JARID2: variants seen among roughly 807,000 people sequenced by gnomAD.
JARID2 encodes the protein jumonji and AT-rich interaction domain containing 2.
A neutral mutation model predicts 125.6 loss-of-function variants in JARID2; 21 were observed. The ratio of observed to expected loss-of-function variants is 0.17; its 90% confidence interval spans 0.12 to 0.24. The LOEUF is 0.24. Ranked by LOEUF, JARID2 falls within the 10% of genes least tolerant of loss-of-function variation. The pLI, the probability that JARID2 is intolerant of heterozygous loss-of-function variation, is 1.00. For missense variants in JARID2, 1,303 were observed against 1,639.6 expected (o/e 0.79, Z 3.55); for synonymous variants, 736 against 661.6 (o/e 1.11, Z -1.73).
chr6:15,438,227 T>C (rs1767295839), intron 3 of JARID2, among the ~76,000 whole-genome samples: 1 of 152,150 alleles, frequency 6.6e-6, no homozygotes, highest in Admixed American at 6.5e-5. Context: ...GGCAGTGGAT[T>C]GACACAGTTA....
At chr6:15,287,586 G>C (rs1761052256) in intron 1 of JARID2, among the ~76,000 whole-genome samples, 1 of 152,196 alleles carries the variant, frequency 6.6e-6, no homozygotes, top group Non-Finnish European at 1.5e-5. Context: ...ATTTCAGCAA[G>C]AGATTGGTGA....
At position 15,496,890 on chromosome 6, in the gene JARID2, C is replaced by CG. The variant is rs1561905392; in HGVS notation, c.1666dup (p.Glu556GlyfsTer49). 6.2e-7 allele frequency: 1 copy of CG among 1,600,816 alleles called. No individual in the cohort carries two copies. The highest frequency in any genetic ancestry group is 1.3e-5 in the African/African-American group (1 of 74,774). ...GCAAGGCCGGGTGGGCGGCCATGGACGAGATCCCCGTCCTCAGGCCCTCCG... is the reference window on the plus strand; with the variant it reads ...GCAAGGCCGGGTGGGCGGCCATGGACGGAGATCCCCGTCCTCAGGCCCTCCG... On this transcript the variant is annotated frameshift_variant, in exon 7 of 18. Transcript: ENST00000341776. LOFTEE classifies it high-confidence loss of function.
intron 2 of JARID2, among the ~76,000 whole-genome samples, chr6:15,404,599 G>A (rs900166432): frequency 1.3e-5 from 2 of 150,942 alleles, no homozygotes; most frequent in Non-Finnish European, 1.5e-5. Flanking sequence ...AATGAAAGCT[G>A]TCTTTGGATG....
chr6:15,365,260 G>C (rs992309006), intron 1 of JARID2, among the ~76,000 whole-genome samples: 4 of 152,202 alleles, frequency 2.6e-5, no homozygotes, highest in Non-Finnish European at 4.4e-5. Flanking sequence ...TGACAATCCA[G>C]GTGTCTGTTA....
chr6:15,351,863 T>G (rs1763439269), intron 1 of JARID2, among the ~76,000 whole-genome samples: 1 of 152,148 alleles, frequency 6.6e-6, no homozygotes, highest in South Asian at 2.1e-4. Context: ...CCAAGTGCTC[T>G]CCACTCCCCG....
chr6:15,351,194 T>C (rs944938836), intron 1 of JARID2, among the ~76,000 whole-genome samples: 1 of 152,094 alleles, frequency 6.6e-6, no homozygotes, highest in Non-Finnish European at 1.5e-5. Context: ...AGCCTATAGA[T>C]TAGTAGGTGA....
At chr6:15,343,332 GT>G (rs1763136549) in intron 1 of JARID2, among the ~76,000 whole-genome samples, 1 of 149,006 alleles carries the variant, frequency 6.7e-6, no homozygotes, top group Non-Finnish European at 1.5e-5. Flanking sequence ...TCAAATTTTG[GT>G]TTTGTGATTT....
chr6:15,301,255 T>G (rs373487991), intron 1 of JARID2, among the ~76,000 whole-genome samples: 2 of 152,158 alleles, frequency 1.3e-5, no homozygotes, highest in African/African-American at 4.8e-5. Context: ...TACTATAAAA[T>G]TTTTTTCTTT....
intron 1 of JARID2, among the ~76,000 whole-genome samples, chr6:15,256,744 C>G (rs1406434912): frequency 6.6e-6 from 1 of 152,218 alleles, no homozygotes; most frequent in Non-Finnish European, 1.5e-5. Context: ...TCCCTGTTGG[C>G]TGGTCTCCTC....
chr6:15,287,428 A>C (rs1342154171), intron 1 of JARID2, among the ~76,000 whole-genome samples: 1 of 152,220 alleles, frequency 6.6e-6, no homozygotes, highest in Non-Finnish European at 1.5e-5. Context: ...AATTATTGTA[A>C]TTTTAAAATA....
At chr6:15,424,111 A>G (rs1766620048) in intron 3 of JARID2, among the ~76,000 whole-genome samples, 2 of 149,238 alleles carry the variant, frequency 1.3e-5, no homozygotes, top group African/African-American at 4.9e-5. Context: ...ATAGACCTGT[A>G]TGTATTCATC....
chr6:15,508,849 G>A (rs1771133243), intron 12 of JARID2: 2 of 647,394 alleles, frequency 3.1e-6, no homozygotes, highest in Non-Finnish European at 4.6e-6. Flanking sequence ...TTCACCTTAG[G>A]GTTAAGGAAC....
At chr6:15,308,949 G>A (rs561584174) in intron 1 of JARID2, among the ~76,000 whole-genome samples, 1 of 152,312 alleles carries the variant, frequency 6.6e-6, no homozygotes, top group South Asian at 2.1e-4. Context: ...GGTGGAAATC[G>A]TAGTAGTTGA....
At chr6:15,274,626 A>C (rs1261956344) in intron 1 of JARID2, among the ~76,000 whole-genome samples, 1 of 152,124 alleles carries the variant, frequency 6.6e-6, no homozygotes, top group Admixed American at 6.5e-5. Context: ...GGTGAGTGGG[A>C]GATTTCAGAC....
chr6:15,502,995 A>C (rs1770815450), intron 8 of JARID2, among the ~76,000 whole-genome samples: 2 of 152,226 alleles, frequency 1.3e-5, no homozygotes, highest in African/African-American at 4.8e-5. Context: ...CAACGTTTTT[A>C]CTTTTTACTG....
intron 5 of JARID2, among the ~76,000 whole-genome samples, chr6:15,472,151 C>T (rs1454906886): frequency 6.6e-6 from 1 of 151,694 alleles, no homozygotes; most frequent in Admixed American, 6.6e-5. Context: ...TGAATCCTGG[C>T]TCCAGGCTGG....
At chr6:15,260,345 A>G (rs115651947) in intron 1 of JARID2, among the ~76,000 whole-genome samples, 322 of 152,270 alleles carry the variant, frequency 2.1e-3, no homozygotes, top group African/African-American at 7.4e-3. Flanking sequence ...CTCATTCTGT[A>G]TTGTAATCCT....
At chr6:15,420,569 A>G (rs1421999774) in intron 3 of JARID2, among the ~76,000 whole-genome samples, 1 of 152,136 alleles carries the variant, frequency 6.6e-6, no homozygotes, top group Non-Finnish European at 1.5e-5. Context: ...TTGATTGATT[A>G]ATCTTCCTCC....
chr6:15,468,537 A>G lies in JARID2; in HGVS notation c.494-5A>G. 6.2e-7 allele frequency: 1 copy of G among 1,608,670 alleles called. No homozygotes were observed. The highest frequency in any genetic ancestry group is 2.2e-5 in the East Asian group (1 of 44,790). ...GTTTATGAGCTGTTTTTCTTATTCC[A>G]CCAGGTTCTCCTGCGCTGCCCAACA... On this transcript the variant is annotated splice_region_variant and splice_polypyrimidine_tract_variant and intron_variant, in intron 4 of 17. Transcript: ENST00000341776.
Sources: gnomAD v4.1 joint callset for allele counts (sites outside exome capture counted in the v4.1 genomes callset) on GRCh38, gnomAD v4.1.1 for gene constraint, MANE v1.5 for transcripts, NCBI Gene and HGNC (gene_info 2026-07-23, HGNC 2026-07-21) for gene names.